EXOC3L2: variants seen among roughly 807,000 people sequenced by gnomAD.
The protein encoded by EXOC3L2 is exocyst complex component 3 like 2, also known as exocyst complex component 3-like protein 2.
EXOC3L2 carries 17 observed loss-of-function variants against 44.4 expected under a neutral mutation model. The observed-to-expected ratio is 0.38, with a 90% confidence interval of 0.26 to 0.57. EXOC3L2 has a LOEUF of 0.57. Ranked by LOEUF, EXOC3L2 falls within the 20% of genes least tolerant of loss-of-function variation. The pLI is 0.65. For synonymous variants in EXOC3L2, 256 were observed against 253.7 expected (o/e 1.01, Z -0.09); for missense variants, 541 against 588.4 (o/e 0.92, Z 0.83).
chr19:45,233,124 G>A (rs908645108), intron 3 of EXOC3L2, among the ~76,000 whole-genome samples: 4 of 152,164 alleles, frequency 2.6e-5, no homozygotes, highest in Non-Finnish European at 5.9e-5. Context: ...GCTGAGGCAG[G>A]AGAATCACTT....
intron 9 of EXOC3L2, 38 bp from the exon 10 acceptor site, chr19:45,217,721 A>T (rs946591263): frequency 2.8e-5 from 39 of 1,386,144 alleles, no homozygotes; most frequent in Admixed American, 1.8e-4. Flanking sequence ...GGTGTGAGCC[A>T]TGCCCCACGG....
At chr19:45,214,623 C>G (rs1388924626) in intron 11 of EXOC3L2, among the ~76,000 whole-genome samples, 2 of 151,914 alleles carry the variant, frequency 1.3e-5, no homozygotes, top group Non-Finnish European at 2.9e-5. Context: ...TGCCATCACA[C>G]CTGGCTAATT....
At chr19:45,216,610 T>A (rs958198743) in intron 10 of EXOC3L2, 1 of 153,522 alleles carries the variant, frequency 6.5e-6, no homozygotes, top group Non-Finnish European at 1.5e-5. Context: ...AAATAAAAAA[T>A]AAAATGTAGC....
chr19:45,231,814 G>C lies in EXOC3L2; in HGVS notation c.1218C>G (p.Leu406=). 1 of 1,611,100 alleles carries C rather than the reference G, an allele frequency of 6.2e-7. No individual in the cohort carries two copies. Among genetic ancestry groups the C allele is most frequent in the Non-Finnish European group, 8.5e-7 (1 of 1,177,612 alleles). The change falls in exon 4 of 12, where the codon CTC becomes CTG. Residue 406 remains leucine, a synonymous_variant. Transcript: ENST00000413988. ...CCAAACCCCGCAGGGTGCCAGGGGA[G>C]AGAAGGGGCCCCAGCTCCCCATTCT... ...ALENGELGPL[L]SPGTLRGLED...
intron 1 of EXOC3L2, among the ~76,000 whole-genome samples, chr19:45,243,787 G>A (rs980488477): frequency 1.3e-5 from 2 of 151,480 alleles, no homozygotes; most frequent in African/African-American, 4.9e-5. Flanking sequence ...CCACCACCAC[G>A]CCTGGCTAAT....
intron 1 of EXOC3L2, among the ~76,000 whole-genome samples, chr19:45,243,099 C>T (rs1233372872): frequency 6.6e-6 from 1 of 152,142 alleles, no homozygotes. Context: ...TATCTTGCAA[C>T]TTGCTTTAAA....
rs1007170585 is a variant in EXOC3L2, at chr19:45,218,546, C to T, written c.1720-227G>A. ...ACCCAAAGCTGGCAAGGCTGGGACTCGGGAACCCAGGGGTTTAGGAAGCCC... is the reference window on the plus strand; with the variant it reads ...ACCCAAAGCTGGCAAGGCTGGGACTTGGGAACCCAGGGGTTTAGGAAGCCC... On this transcript the variant is annotated intron_variant, in intron 8 of 11. Coordinates refer to ENST00000413988, the MANE Select transcript of EXOC3L2 (RefSeq NM_001382422.1). 3.7e-4 allele frequency among the ~76,000 whole-genome samples: 57 copies of T among 152,092 alleles called. 2 individuals carry two copies. The highest frequency in any genetic ancestry group is 3.9e-4 in the East Asian group (2 of 5,162).
rs777265575 is a variant in EXOC3L2 at position 45,216,031 on chromosome 19, CGGCCA to C, written c.2120+37_2120+41del. ...GGATGCCAAGGCCGCCAGGAGACCTCGGCCAGGCACGGCGAGCCCTGGCCCAGGCG... is the reference window on the plus strand; with the variant it reads ...GGATGCCAAGGCCGCCAGGAGACCTCGGCACGGCGAGCCCTGGCCCAGGCG... On this transcript the variant is annotated intron_variant, in intron 11 of 11. Transcript: ENST00000413988. 7 of 1,607,134 alleles carry C rather than the reference CGGCCA, an allele frequency of 4.4e-6. No individual in the cohort carries two copies. In the East Asian group the frequency reaches 1.6e-4, roughly 36 times the overall value.
Position 45,234,453 on chromosome 19 carries a change from C to T in EXOC3L2, c.897G>A (p.Glu299=), listed in dbSNP as rs1042955962. 6.0e-4 allele frequency: 159 copies of T among 263,658 alleles called. No individual in the cohort carries two copies. The highest frequency in any genetic ancestry group is 3.2e-3 in the African/African-American group (141 of 43,598). 16.3% of individuals were successfully genotyped at this position (263,658 alleles called of 1,614,324 possible). A position where few individuals can be genotyped will look rare whatever the true frequency, so the allele number is the denominator to read the frequency against. ...WAEAVARAAR[E]RLEAAAPGAP... ...CCCCGGGAGCCGCTGCCTCTAGGCG[C>T]TCCCGGGCCGCGCGCGCCACGGCTT... Residue 299 remains glutamate, a synonymous_variant, in exon 3 of 12, where the codon GAG becomes GAA. Transcript: ENST00000413988. This position sits in a 1 kb window ranked among gnomAD's most constrained non-coding sequence, Gnocchi z 5.0.
At chr19:45,215,532 T>C (rs183787273) in intron 11 of EXOC3L2, among the ~76,000 whole-genome samples, 1 of 152,194 alleles carries the variant, frequency 6.6e-6, no homozygotes, top group East Asian at 1.9e-4. Context: ...TAAGAACTCA[T>C]TGAGTGAGAA....
intron 4 of EXOC3L2, among the ~76,000 whole-genome samples, chr19:45,229,943 C>G (rs346773): frequency 6.7e-6 from 1 of 148,678 alleles, no homozygotes; most frequent in Non-Finnish European, 1.5e-5. Context: ...TATGTATACA[C>G]AAATAATGTA....
At chr19:45,228,354 G>C in intron 4 of EXOC3L2, 88 bp from the exon 5 acceptor site, 1 of 1,142,966 alleles carries the variant, frequency 8.7e-7, no homozygotes, top group South Asian at 1.4e-5. Flanking sequence ...CAATCCCCTA[G>C]CCCTTAACCC....
At chr19:45,218,594 T>C (rs1969864301) in intron 8 of EXOC3L2, among the ~76,000 whole-genome samples, 2 of 151,992 alleles carry the variant, frequency 1.3e-5, no homozygotes, top group South Asian at 2.1e-4. Flanking sequence ...TGACTCAGCA[T>C]AGAGCCATGG....
chr19:45,222,083 GCA>G (rs370430100), intron 8 of EXOC3L2, among the ~76,000 whole-genome samples: 5 of 151,272 alleles, frequency 3.3e-5, no homozygotes, highest in East Asian at 2.0e-4. Context: ...TGCACACGGC[GCA>G]CACACACACA....
chr19:45,245,170 C>T (rs115632965), intron 1 of EXOC3L2, among the ~76,000 whole-genome samples, 171 bp downstream of exon 1: 2,067 of 152,068 alleles, frequency 0.014, 42 homozygotes, highest in African/African-American at 0.048. Context: ...TTTCTGCCTT[C>T]TCGCCAGCAC....
chr19:45,240,462 G>T (rs1970122077), intron 1 of EXOC3L2, among the ~76,000 whole-genome samples: 1 of 152,052 alleles, frequency 6.6e-6, no homozygotes, highest in African/African-American at 2.4e-5. Flanking sequence ...CAATAGGACT[G>T]GAGAGAACGG....
chr19:45,216,219 T>C (rs1374058476), intron 10 of EXOC3L2, 25 bp from the exon 11 acceptor site: 1 of 1,611,614 alleles, frequency 6.2e-7, no homozygotes, highest in East Asian at 2.2e-5. Flanking sequence ...GGGTGCGGGG[T>C]CACACCCTCC....
chr19:45,217,710 G>A (rs772022601), intron 9 of EXOC3L2, 27 bp from the exon 10 acceptor site: 92 of 1,392,804 alleles, frequency 6.6e-5, no homozygotes, highest in Non-Finnish European at 7.6e-5. Flanking sequence ...GAAACCCGAG[G>A]GGTGTGAGCC....
At chr19:45,223,206 G>A (rs947955814) in intron 8 of EXOC3L2, among the ~76,000 whole-genome samples, 5 of 152,132 alleles carry the variant, frequency 3.3e-5, no homozygotes, top group Non-Finnish European at 7.3e-5. Context: ...TGGCCGACAT[G>A]GTGAAACCCC....
Sources: allele counts gnomAD v4.1 joint callset (sites outside exome capture counted in the v4.1 genomes callset), GRCh38; gene constraint gnomAD v4.1.1; non-coding constraint Gnocchi (gnomAD v3.1); transcripts MANE v1.5; gene names NCBI Gene and HGNC (gene_info 2026-07-23, HGNC 2026-07-21).